MOCOS: variants seen among roughly 807,000 people sequenced by gnomAD.
The protein encoded by MOCOS is molybdenum cofactor sulfurase.
Under a neutral mutation model 83.6 loss-of-function variants are expected in MOCOS, and 86 were observed. The observed-to-expected ratio is 1.03, with a 90% CI of 0.86 to 1.23. MOCOS has a LOEUF of 1.23. MOCOS is among the 50% of genes most tolerant of loss of function. The pLI is 0.00. For synonymous variants in MOCOS, 445 were observed against 434.7 expected, an observed-to-expected ratio of 1.02 and a Z score of -0.29; for missense variants, 1,120 against 1,126.9, an observed-to-expected ratio of 0.99 and a Z score of 0.09.
At chr18:36,251,121 T>C in intron 10 of MOCOS, 38 bp from the exon 11 acceptor site, 1 of 1,592,462 alleles carries the variant, frequency 6.3e-7, no homozygotes, top group Non-Finnish European at 8.6e-7. Context: ...AAATAAATAC[T>C]ATGTAACAGT....
chr18:36,219,680 AAAAC>A lies in MOCOS; in HGVS notation c.1798-355_1798-352del, dbSNP rs557754625. On this transcript the variant is annotated intron_variant, in intron 8 of 14. Transcript: ENST00000261326. ...GGCGACAGAGCAAGACTCCATCTTA[AAAAC>A]AAACAAACAAACAAACAAATTAAAA... 1.2e-3 allele frequency among the ~76,000 whole-genome samples: 184 copies of A among 152,288 alleles called. 4 individuals carry two copies. Among genetic ancestry groups the A allele is most frequent in the African/African-American group, 1.8e-3 (76 of 41,566 alleles).
intron 1 of MOCOS, among the ~76,000 whole-genome samples, chr18:36,188,174 G>T (rs1160237742): frequency 6.6e-6 from 1 of 152,230 alleles, no homozygotes; most frequent in African/African-American, 2.4e-5. Context: ...GGGGCCTCCC[G>T]AGGCTGCGCT....
intron 13 of MOCOS, among the ~76,000 whole-genome samples, chr18:36,265,712 G>T (rs1047068527): frequency 6.7e-6 from 1 of 150,148 alleles, no homozygotes; most frequent in Non-Finnish European, 1.5e-5. Context: ...TATTGTGTAT[G>T]TGTGGCATGT....
intron 1 of MOCOS, among the ~76,000 whole-genome samples, chr18:36,191,642 G>A (rs914578662): frequency 6.6e-6 from 1 of 152,136 alleles, no homozygotes; most frequent in African/African-American, 2.4e-5. Context: ...CTCACATGTT[G>A]CTTATGCTGG....
intron 3 of MOCOS, 21 bp from the exon 4 acceptor site, chr18:36,199,662 G>T (rs1439535945): frequency 5.6e-6 from 9 of 1,612,608 alleles, no homozygotes; most frequent in Non-Finnish European, 7.6e-6. Flanking sequence ...GCGGGTTGCG[G>T]GGATGCTGTG....
At chr18:36,265,225 C>T (rs1211455436) in intron 13 of MOCOS, among the ~76,000 whole-genome samples, 3 of 152,200 alleles carry the variant, frequency 2.0e-5, no homozygotes, top group Admixed American at 6.5e-5. Flanking sequence ...TACGTGCATA[C>T]ATGCAAGACA....
chr18:36,236,656 C>A (rs2091560329), intron 9 of MOCOS, among the ~76,000 whole-genome samples: 1 of 136,366 alleles, frequency 7.3e-6, no homozygotes, highest in African/African-American at 2.8e-5. Context: ...TAGTTTTTTC[C>A]AATTCTGTGA....
At chr18:36,239,119 A>C (rs1292424397) in intron 9 of MOCOS, among the ~76,000 whole-genome samples, 3 of 150,168 alleles carry the variant, frequency 2.0e-5, no homozygotes, top group Admixed American at 6.6e-5. Flanking sequence ...TAATTGGAGC[A>C]TTTAGTCCAT....
intron 9 of MOCOS, among the ~76,000 whole-genome samples, chr18:36,234,368 T>C (rs1450910102): frequency 6.6e-6 from 1 of 152,212 alleles, no homozygotes; most frequent in Non-Finnish European, 1.5e-5. Context: ...CTGGGTTCTT[T>C]ATTCTGTTCC....
intron 12 of MOCOS, 37 bp from the exon 13 acceptor site, chr18:36,260,000 C>T: frequency 6.2e-7 from 1 of 1,613,256 alleles, no homozygotes; most frequent in Middle Eastern, 1.7e-4. Flanking sequence ...TATCTGCCAT[C>T]CTCCCCCTAC....
Position 36,199,807 on chromosome 18 carries a change from G to A in MOCOS, c.424G>A (p.Gly142Arg). ...PWVSQGPESS[G>R]SRFCYLTDSH... ...GGTGTCCCAGGGCCCAGAGAGCAGT[G>A]GGAGTCGCTTCTGTTACCTCACCGA... is the stretch of plus-strand genomic sequence containing the variant. The change falls in exon 4 of 15, where the codon GGG becomes AGG. Residue 142 changes from glycine (G) to arginine (R), a missense_variant. Gly to Arg is a moderately radical substitution (Grantham distance 125, BLOSUM62 -2). Transcript: ENST00000261326. The A allele has an allele frequency of 6.2e-7, 1 of 1,614,118 alleles. No homozygotes were observed. Among genetic ancestry groups the A allele is most frequent in the South Asian group, 1.1e-5 (1 of 91,080 alleles).
chr18:36,226,384 C>G (rs1568058559), intron 9 of MOCOS, among the ~76,000 whole-genome samples: 2 of 152,160 alleles, frequency 1.3e-5, no homozygotes, highest in South Asian at 2.1e-4. Context: ...CTTTTTCCAT[C>G]TGTTTACTTT....
rs371822612 is a variant in MOCOS at position 36,199,831 on chromosome 18, G to A, written c.448G>A (p.Asp150Asn). 6.6e-5 allele frequency: 106 copies of A among 1,607,358 alleles called. No individual in the cohort carries two copies. Among genetic ancestry groups the A allele is most frequent in the Non-Finnish European group, 7.6e-5 (89 of 1,175,630 alleles). Residue 150 changes from aspartate (D) to asparagine (N), a missense_variant, in exon 4 of 15, where the codon GAC becomes AAC. By Grantham distance (23) the Asp-to-Asn change is conservative (BLOSUM62 1). Transcript: ENST00000261326. ...SSGSRFCYLT[D>N]SHTSVVGMRN... ...TGGGAGTCGCTTCTGTTACCTCACC[G>A]ACAGCCACACCTCCGTAGTGGGTAT...
At chr18:36,212,903 A>C (rs2091460433) in intron 6 of MOCOS, among the ~76,000 whole-genome samples, 1 of 152,182 alleles carries the variant, frequency 6.6e-6, no homozygotes, top group Non-Finnish European at 1.5e-5. Context: ...CACAGCCTGG[A>C]GGAACTGGAG....
intron 14 of MOCOS, among the ~76,000 whole-genome samples, chr18:36,267,687 T>C (rs932779962): frequency 1.3e-5 from 2 of 152,232 alleles, no homozygotes; most frequent in East Asian, 1.9e-4. Flanking sequence ...TTGTCTGGGG[T>C]GTGGGGACCT....
intron 11 of MOCOS, 151 bp from the exon 12 acceptor site, chr18:36,256,817 T>G: frequency 1.4e-6 from 1 of 730,142 alleles, no homozygotes; most frequent in South Asian, 1.4e-5. Flanking sequence ...ATATGCACCA[T>G]GCTTAGGACA....
Position 36,269,945 on chromosome 18 carries a change from T to G in MOCOS, c.*1260T>G, listed in dbSNP as rs934604167. The G allele has an allele frequency of 6.6e-6, 1 of 152,226 alleles. No individual in the cohort carries two copies. The highest frequency in any genetic ancestry group is 1.5e-5 in the Non-Finnish European group (1 of 68,066). 9.4% of individuals were successfully genotyped at this position (152,226 alleles called of 1,614,324 possible). ...CTGTGGGATTCAGGGTCAGTTTGTT[T>G]CATTATCACATTTGTAGGACTTTGT... On this transcript the variant is annotated 3_prime_UTR_variant, in exon 15 of 15. Coordinates refer to ENST00000261326, the MANE Select transcript of MOCOS (RefSeq NM_017947.4).
At chr18:36,221,148 A>G (rs898864629) in intron 9 of MOCOS, among the ~76,000 whole-genome samples, 4 of 152,144 alleles carry the variant, frequency 2.6e-5, no homozygotes, top group Non-Finnish European at 5.9e-5. Context: ...TTCAAACTAT[A>G]CCTTGTCCAG....
At chr18:36,212,021 A>C (rs1463271878) in intron 6 of MOCOS, among the ~76,000 whole-genome samples, 1 of 152,212 alleles carries the variant, frequency 6.6e-6, no homozygotes, top group African/African-American at 2.4e-5. Context: ...GCCAAGCCAC[A>C]TGGAGACGCC....
Sources: gnomAD v4.1 joint callset for allele counts (sites outside exome capture counted in the v4.1 genomes callset) on GRCh38, gnomAD v4.1.1 for gene constraint, MANE v1.5 for transcripts, NCBI Gene and HGNC (gene_info 2026-07-23, HGNC 2026-07-21) for gene names.